The following STX5 variants were observed in gnomAD, a reference collection of about 807,000 sequenced individuals.
The protein encoded by STX5 is syntaxin 5.
STX5 carries 15 observed loss-of-function variants against 42.9 expected under a neutral mutation model. The observed-to-expected ratio is 0.35, with a 90% CI of 0.23 to 0.54. The LOEUF is 0.54. STX5 is among the 20% of genes least tolerant of loss of function. The pLI, the probability that STX5 is intolerant of heterozygous loss-of-function variation, is 0.91. For synonymous variants in STX5, 184 were observed against 173.2 expected (o/e 1.06, Z -0.49); for missense variants, 430 against 455.0 (o/e 0.95, Z 0.50).
rs760958436 is a variant in STX5 at position 62,827,585 on chromosome 11, C to T, written c.272G>A (p.Arg91His). 8.1e-5 allele frequency: 130 copies of T among 1,614,114 alleles called. No individual in the cohort carries two copies. Among genetic ancestry groups the T allele is most frequent in the Non-Finnish European group, 1.0e-4 (121 of 1,180,048 alleles). ...NKPALRAVRQ[R>H]SEFTLMAKRI... ...CTTGGCCATGAGGGTGAATTCACTGCGTTGTCGGACAGCACGCAAAGCTGG... is the reference window on the plus strand; with the variant it reads ...CTTGGCCATGAGGGTGAATTCACTGTGTTGTCGGACAGCACGCAAAGCTGG... The change falls in exon 3 of 11, where the codon CGC becomes CAC. Residue 91 changes from arginine to histidine, a missense_variant. Coordinates refer to ENST00000294179, the MANE Select transcript of STX5 (RefSeq NM_003164.5).
rs1195504165 is a variant in STX5, at chr11:62,820,984, CTTA to C, written c.908+3179_908+3181del. The stretch of plus-strand genomic sequence containing the variant: ...TTGCTCTAGGGATTACAAAATACAC[CTTA>C]TTAACTTTTCACAGCCTACTTCATA... On this transcript the variant is annotated intron_variant, in intron 10 of 10. Coordinates refer to ENST00000294179, the MANE Select transcript of STX5 (RefSeq NM_003164.5). Among the ~76,000 whole-genome samples, 77 of 152,000 alleles carry C rather than the reference CTTA, an allele frequency of 5.1e-4. 1 individual carries two copies. Among genetic ancestry groups the C allele is most frequent in the African/African-American group, 1.7e-3 (70 of 41,452 alleles).
rs374738107 is a variant in STX5, at chr11:62,824,509, C to T, written c.736G>A (p.Asp246Asn). ...TGGCTGGTCCGAGAGTCCATCATGT[C>T]GATGGCGACATCCTTGGAGGCATGG... ...ESHASKDVAIDMMDSRTSQQL... is the reference protein window; with the variant it reads ...ESHASKDVAINMMDSRTSQQL... The change falls in exon 9 of 11, where the codon GAC becomes AAC. Residue 246 changes from aspartate (D) to asparagine (N), a missense_variant. Coordinates refer to ENST00000294179, the MANE Select transcript of STX5 (RefSeq NM_003164.5). 3.7e-6 allele frequency: 6 copies of T among 1,614,036 alleles called. No individual in the cohort carries two copies. The highest frequency in any genetic ancestry group is 1.3e-5 in the African/African-American group (1 of 74,912).
At chr11:62,815,709 G>T in intron 10 of STX5, among the ~76,000 whole-genome samples, 1 of 151,680 alleles carries the variant, frequency 6.6e-6, no homozygotes, top group Non-Finnish European at 1.5e-5. Context: ...GCTGATTTTT[G>T]TATTTTTAGT....
chr11:62,816,212 T>C lies in STX5; in HGVS notation c.908+7954A>G, dbSNP rs542338472. ...AGCTAATCTGGCCAACTGTTAACTGTTGAATGTAGGTTGCAGCTATATTAG... is the reference window on the plus strand; with the variant it reads ...AGCTAATCTGGCCAACTGTTAACTGCTGAATGTAGGTTGCAGCTATATTAG... On this transcript the variant is annotated intron_variant, in intron 10 of 10. Transcript: ENST00000294179. The C allele has an allele frequency of 6.6e-5, 10 of 152,300 alleles. No individual in the cohort carries two copies. In the South Asian group the frequency reaches 1.7e-3, roughly 25 times the overall value. The allele number at this position is 152,300 out of a possible 1,614,324, so 9.4% of individuals were successfully genotyped here.
chr11:62,820,992 C>T (rs752345667), intron 10 of STX5, among the ~76,000 whole-genome samples: 6 of 151,984 alleles, frequency 3.9e-5, no homozygotes, highest in Non-Finnish European at 7.4e-5. Flanking sequence ...ACCTTATTAA[C>T]TTTTCACAGC....
Position 62,829,196 on chromosome 11 carries a change from G to A in STX5, c.226-1565C>T, listed in dbSNP as rs546976536. 1.9e-3 allele frequency among the ~76,000 whole-genome samples: 282 copies of A among 152,010 alleles called. 3 individuals are homozygous for A. The Middle Eastern group carries it at 0.027, about 15-fold the overall frequency. The stretch of plus-strand genomic sequence containing the variant: ...TCCCAGCACTTTGGAAGGCTGAGGC[G>A]GGCAGAGCACCTGAGGTCGGGAGTT... On this transcript the variant is annotated intron_variant, in intron 2 of 10. Coordinates refer to ENST00000294179, the MANE Select transcript of STX5 (RefSeq NM_003164.5).
intron 5 of STX5, among the ~76,000 whole-genome samples, chr11:62,826,037 G>A (rs917092923): frequency 1.3e-5 from 2 of 152,196 alleles, no homozygotes; most frequent in African/African-American, 4.8e-5. Context: ...GGCAGATCAT[G>A]AGGTCAAGAG....
rs367600690 is a variant in STX5, at chr11:62,822,985, C to T, written c.908+1181G>A. Reference sequence around the variant, plus strand: ...ATCCCTGTTCATTACTTTCTAGCCACGCAGGCCTTCTTGATTCTTGCTATG... The same window carrying T: ...ATCCCTGTTCATTACTTTCTAGCCATGCAGGCCTTCTTGATTCTTGCTATG... On this transcript the variant is annotated intron_variant, in intron 10 of 10. Coordinates refer to ENST00000294179, the MANE Select transcript of STX5 (RefSeq NM_003164.5). Among the ~76,000 whole-genome samples the T allele has an allele frequency of 2.6e-5, 4 of 152,232 alleles. No homozygotes were observed. In the South Asian group the frequency reaches 6.2e-4, roughly 24 times the overall value.
chr11:62,811,988 T>C (rs2084621664), intron 10 of STX5, among the ~76,000 whole-genome samples: 1 of 152,122 alleles, frequency 6.6e-6, no homozygotes, highest in South Asian at 2.1e-4. Context: ...TATGACACTG[T>C]TTCAAGGAAG....
In STX5 at chr11:62,807,334, G is replaced by C. The variant is rs377013242; in HGVS notation, c.*135C>G. On this transcript the variant is annotated 3_prime_UTR_variant, in exon 11 of 11. Coordinates refer to ENST00000294179, the MANE Select transcript of STX5 (RefSeq NM_003164.5). Reference sequence around the variant, plus strand: ...GGCAAGGGGTGGGGGATCAGGGGCAGTGGTCATTCTTAGCAGTTCCAGGGA... The same window carrying C: ...GGCAAGGGGTGGGGGATCAGGGGCACTGGTCATTCTTAGCAGTTCCAGGGA... 3 of 1,371,404 alleles carry C rather than the reference G, an allele frequency of 2.2e-6. No homozygotes were observed. Among genetic ancestry groups the C allele is most frequent in the African/African-American group, 1.5e-5 (1 of 68,324 alleles). The allele number at this position is 1,371,404 out of a possible 1,614,324, so 85.0% of individuals were successfully genotyped here. A position where few individuals can be genotyped will look rare whatever the true frequency, so the allele number is the denominator to read the frequency against.
At chr11:62,814,504 C>G (rs2084651978) in intron 10 of STX5, among the ~76,000 whole-genome samples, 1 of 150,254 alleles carries the variant, frequency 6.7e-6, no homozygotes, top group African/African-American at 2.5e-5. Flanking sequence ...ACTCTGTTGC[C>G]CAGGCTGGAG....
chr11:62,827,240 A>C lies in STX5; in HGVS notation c.353-15T>G, dbSNP rs2084806397. Reference sequence around the variant, plus strand: ...GCGCTTTGCCACTACAGAGACAAACAAGAAGCCACAATGGGTGAGGTCAAG... The same window carrying C: ...GCGCTTTGCCACTACAGAGACAAACCAGAAGCCACAATGGGTGAGGTCAAG... On this transcript the variant is annotated splice_polypyrimidine_tract_variant and intron_variant, in intron 4 of 10. Transcript: ENST00000294179. 1.2e-6 allele frequency: 2 copies of C among 1,614,162 alleles called. No homozygotes were observed. Among genetic ancestry groups the C allele is most frequent in the Non-Finnish European group, 1.7e-6 (2 of 1,180,024 alleles).
intron 10 of STX5, among the ~76,000 whole-genome samples, chr11:62,810,817 C>T (rs1460252448): frequency 6.6e-6 from 1 of 152,178 alleles, no homozygotes; most frequent in Non-Finnish European, 1.5e-5. Flanking sequence ...AGATGGCATC[C>T]TTTCATAAAT....
At chr11:62,827,697 C>G in intron 2 of STX5, 66 bp from the exon 3 acceptor site, 1 of 1,539,486 alleles carries the variant, frequency 6.5e-7, no homozygotes, top group Non-Finnish European at 9.0e-7. Context: ...TTTCACTCTT[C>G]CTGAGGTGTC....
chr11:62,830,972 G>A, intron 2 of STX5, 47 bp downstream of exon 2: 1 of 1,499,488 alleles, frequency 6.7e-7, no homozygotes, highest in Non-Finnish European at 9.1e-7. Flanking sequence ...GTCCTTCCTA[G>A]ATTTGAGTAA....
chr11:62,808,374 G>A (rs1176983959), intron 10 of STX5, among the ~76,000 whole-genome samples: 4 of 151,358 alleles, frequency 2.6e-5, no homozygotes, highest in African/African-American at 4.9e-5. Flanking sequence ...GCTTGATGCT[G>A]CAGTGAGATT....
chr11:62,822,703 C>CT (rs11304762), intron 10 of STX5, among the ~76,000 whole-genome samples: 29 of 138,310 alleles, frequency 2.1e-4, no homozygotes, highest in African/African-American at 4.9e-4. Context: ...CATTTACGAC[C>CT]TTTTTTTTTT....
At chr11:62,816,912 G>A (rs1416525301) in intron 10 of STX5, among the ~76,000 whole-genome samples, 2 of 151,300 alleles carry the variant, frequency 1.3e-5, no homozygotes, top group Non-Finnish European at 3.0e-5. Context: ...GAAAGAAAGA[G>A]CTGTCTATTC....
At chr11:62,831,825 C>A in intron 1 of STX5, 129 bp downstream of exon 1, 11 of 443,358 alleles carry the variant, frequency 2.5e-5, no homozygotes, top group South Asian at 1.8e-4. Flanking sequence ...AATTCGCTCA[C>A]CCGGAGCCGG....
Sources: gnomAD v4.1 joint callset for allele counts (sites outside exome capture counted in the v4.1 genomes callset) on GRCh38, gnomAD v4.1.1 for gene constraint, MANE v1.5 for transcripts, NCBI Gene and HGNC (gene_info 2026-07-23, HGNC 2026-07-21) for gene names.